KBTBD7: variants seen among roughly 807,000 people sequenced by gnomAD.
KBTBD7 encodes kelch repeat and BTB domain-containing protein 7.
Under a neutral mutation model 50.3 loss-of-function variants are expected in KBTBD7, and 25 were observed. The ratio of observed to expected loss-of-function variants is 0.50; its 90% CI spans 0.36 to 0.69. The LOEUF is 0.69. KBTBD7 is among the 30% of genes least tolerant of loss of function. The pLI is 0.00. For missense variants in KBTBD7, 653 were observed against 869.5 expected, an observed-to-expected ratio of 0.75 and a Z score of 3.13; for synonymous variants, 305 against 325.3, an observed-to-expected ratio of 0.94 and a Z score of 0.67.
Position 41,193,465 on chromosome 13 carries a change from C to T in KBTBD7, c.793G>A (p.Val265Met), listed in dbSNP as rs552332866. The T allele has an allele frequency of 1.9e-6, 3 of 1,614,026 alleles. No homozygotes were observed. The highest frequency in any genetic ancestry group is 2.2e-5 in the East Asian group (1 of 44,898). The change falls in exon 1 of 1, where the codon GTG (valine) becomes ATG (methionine). Residue 265 changes from valine (V) to methionine (M), a missense_variant. Physicochemically the swap from Val to Met is conservative, Grantham distance 21. Transcript: ENST00000379483. The surrounding 1 kb of genome is among the most constrained non-coding windows in gnomAD (Gnocchi z 5.7). The stretch of plus-strand genomic sequence containing the variant: ...TCTTCAGTGAAGTGCATCCAGCGCA[C>T]GCACTTGAAGACTTCTGCAGCACTG... ...GPSAAEVFKC[V>M]RWMHFTEEDQ...
Position 41,194,567 on chromosome 13 carries a change from A to C in KBTBD7, c.-310T>G. On this transcript the variant is annotated 5_prime_UTR_variant, in exon 1 of 1. Transcript: ENST00000379483. Reference sequence around the variant, plus strand: ...ATCCCGCTAGGCGCCCGGGAGAACTACTGCTCCCAGGTTGCCTTTCGCGCC... The same window carrying C: ...ATCCCGCTAGGCGCCCGGGAGAACTCCTGCTCCCAGGTTGCCTTTCGCGCC... 2 of 441,222 alleles carry C rather than the reference A, an allele frequency of 4.5e-6. No individual in the cohort carries two copies. Among genetic ancestry groups the C allele is most frequent in the East Asian group, 4.1e-5 (1 of 24,588 alleles). The allele number at this position is 441,222 out of a possible 1,614,324, so 27.3% of individuals were successfully genotyped here.
At position 41,193,780 on chromosome 13, in the gene KBTBD7, A is replaced by G. The variant is rs1363247510; in HGVS notation, c.478T>C (p.Cys160Arg). The G allele has an allele frequency of 1.2e-6, 2 of 1,614,260 alleles. No individual in the cohort carries two copies. The highest frequency in any genetic ancestry group is 1.7e-6 in the Non-Finnish European group (2 of 1,180,048). The change falls in exon 1 of 1, where the codon TGT (cysteine) becomes CGT (arginine). Residue 160 changes from cysteine (C) to arginine (R), a missense_variant. Physicochemically the swap from Cys to Arg is radical, Grantham distance 180. Transcript: ENST00000379483. The surrounding 1 kb of genome is among the most constrained non-coding windows in gnomAD (Gnocchi z 5.7). Reference protein sequence around the residue: ...MLQLEYVREACASFLARRLDL... With the variant: ...MLQLEYVREARASFLARRLDL... The stretch of plus-strand genomic sequence containing the variant: ...AGACGTCGGGCTAAGAAGGAGGCAC[A>G]GGCTTCCCGCACATATTCCAGCTGT...
rs1483345758 is a variant in KBTBD7 at position 41,194,003 on chromosome 13, A to G, written c.255T>C (p.Asn85=). Residue 85 remains asparagine (N), a synonymous_variant, in exon 1 of 1, where the codon AAT becomes AAC. Coordinates refer to ENST00000379483, the MANE Select transcript of KBTBD7 (RefSeq NM_032138.7). ...GPGTGRLFSC[N]RNVLAAACPY... ...GACACGCAGCTGCTAGCACGTTGCG[A>G]TTGCAGGAAAAGAGGCGACCCGTGC... The G allele has an allele frequency of 3.1e-6, 5 of 1,614,134 alleles. No individual in the cohort carries two copies. The South Asian group carries it at 4.4e-5, about 14-fold the overall frequency.
Position 41,194,472 on chromosome 13 carries a change from C to A in KBTBD7, c.-215G>T. The A allele has an allele frequency of 1.6e-6, 1 of 636,132 alleles. No homozygotes were observed. The highest frequency in any genetic ancestry group is 2.7e-6 in the Non-Finnish European group (1 of 371,444). The allele number at this position is 636,132 out of a possible 1,614,324, so 39.4% of individuals were successfully genotyped here. On this transcript the variant is annotated 5_prime_UTR_variant, in exon 1 of 1. Transcript: ENST00000379483. ...ACCCTCTCTCACTCCCGCGCCCTTT[C>A]TCCGCCTCCGCTCGCCCTCACAGGA...
chr13:41,192,574 C>G lies in KBTBD7; in HGVS notation c.1684G>C (p.Val562Leu). ...LDSETHNYQI[V>L]NHDQKLLLIT... is the part of the protein sequence containing the mutation. Reference sequence around the variant, plus strand: ...AGAAGCAACTTTTGGTCATGATTGACAATCTGGTAGTTGTGGGTCTCTGAA... The same window carrying G: ...AGAAGCAACTTTTGGTCATGATTGAGAATCTGGTAGTTGTGGGTCTCTGAA... The change falls in exon 1 of 1, where the codon GTC (valine) becomes CTC (leucine). Residue 562 changes from valine to leucine, a missense_variant. Val to Leu is a conservative substitution (Grantham distance 32). Coordinates refer to ENST00000379483, the MANE Select transcript of KBTBD7 (RefSeq NM_032138.7). The G allele has an allele frequency of 6.2e-7, 1 of 1,614,136 alleles. No individual in the cohort carries two copies. Among genetic ancestry groups the G allele is most frequent in the Non-Finnish European group, 8.5e-7 (1 of 1,180,008 alleles).
rs955166621 is a variant in KBTBD7, at chr13:41,191,021, A to G, written c.*1182T>C. 3 of 152,120 alleles carry G rather than the reference A, an allele frequency of 2.0e-5. No homozygotes were observed. The highest frequency in any genetic ancestry group is 7.2e-5 in the African/African-American group (3 of 41,436). The allele number at this position is 152,120 out of a possible 1,614,324, so 9.4% of individuals were successfully genotyped here. A position where few individuals can be genotyped will look rare whatever the true frequency, so the allele number is the denominator to read the frequency against. ...GGACAATATTCCAATGCTACACAAA[A>G]CGGTTCTATAATACACAGCTTAAAG... is the stretch of plus-strand genomic sequence containing the variant. On this transcript the variant is annotated 3_prime_UTR_variant, in exon 1 of 1. Transcript: ENST00000379483.
In KBTBD7 at chr13:41,192,235, G is replaced by A. The variant is rs1333119959; in HGVS notation, c.2023C>T (p.Arg675Ter). Residue 675 changes from arginine (R) to a stop codon, truncating the protein, a stop_gained, in exon 1 of 1, where the codon CGA (arginine) becomes TGA (stop). Transcript: ENST00000379483. LOFTEE classifies it high-confidence loss of function. ...GAACCCTGCTGATCCTGTGCATTTCGCTGAGGTGCTACTTGCACCCAGACT... is the reference window on the plus strand; with the variant it reads ...GAACCCTGCTGATCCTGTGCATTTCACTGAGGTGCTACTTGCACCCAGACT... Reference protein sequence around the residue: ...DEVWVQVAPQRNAQDQQGSL With the variant: ...DEVWVQVAPQ 3.7e-6 allele frequency: 6 copies of A among 1,613,778 alleles called. No individual in the cohort carries two copies. The highest frequency in any genetic ancestry group is 4.5e-5 in the East Asian group (2 of 44,876).
rs1256273058 is a variant in KBTBD7, at chr13:41,193,991, T to C, written c.267A>G (p.Leu89=). The C allele has an allele frequency of 1.9e-6, 3 of 1,614,144 alleles. No homozygotes were observed. The highest frequency in any genetic ancestry group is 2.2e-5 in the East Asian group (1 of 44,880). The change falls in exon 1 of 1, where the codon CTA becomes CTG. Residue 89 remains leucine (L), a synonymous_variant. Coordinates refer to ENST00000379483, the MANE Select transcript of KBTBD7 (RefSeq NM_032138.7). This position sits in a 1 kb window ranked among gnomAD's most constrained non-coding sequence, Gnocchi z 5.7. ...GRLFSCNRNV[L]AAACPYFKSM... is the part of the protein sequence containing the mutation. ...TCTTGAAGTAGGGACACGCAGCTGC[T>C]AGCACGTTGCGATTGCAGGAAAAGA...
chr13:41,192,134 AAAAG>A lies in KBTBD7; in HGVS notation c.*65_*68del. 2 of 1,484,082 alleles carry A rather than the reference AAAAG, an allele frequency of 1.3e-6. No individual in the cohort carries two copies. The highest frequency in any genetic ancestry group is 1.4e-5 in the African/African-American group (1 of 71,106). The allele number at this position is 1,484,082 out of a possible 1,614,324, so 91.9% of individuals were successfully genotyped here. On this transcript the variant is annotated 3_prime_UTR_variant, in exon 1 of 1. Transcript: ENST00000379483. ...GTCCTAATCAACTTTTTTTCCAAGA[AAAAG>A]AAACGATATGTGTTTAAAATACATT...
At position 41,193,949 on chromosome 13, in the gene KBTBD7, G is replaced by T. The variant is rs2031463550; in HGVS notation, c.309C>A (p.Gly103=). ...CGCTGGCCTGCTGGCTCTCGTACATGCCACCTGTGAACATGCTCTTGAAGT... is the reference window on the plus strand; with the variant it reads ...CGCTGGCCTGCTGGCTCTCGTACATTCCACCTGTGAACATGCTCTTGAAGT... The part of the protein sequence containing the change: ...CPYFKSMFTG[G]MYESQQASVT... The change falls in exon 1 of 1, where the codon GGC becomes GGA. Residue 103 remains glycine (G), a synonymous_variant. Transcript: ENST00000379483. The surrounding 1 kb of genome is among the most constrained non-coding windows in gnomAD (Gnocchi z 5.7). The T allele has an allele frequency of 1.9e-6, 3 of 1,613,928 alleles. No homozygotes were observed. Among genetic ancestry groups the T allele is most frequent in the Non-Finnish European group, 2.5e-6 (3 of 1,179,910 alleles).
rs1225599707 is a variant in KBTBD7, at chr13:41,194,430, T to C, written c.-173A>G. On this transcript the variant is annotated 5_prime_UTR_variant, in exon 1 of 1. It removes an upstream start codon present in the reference 5' UTR. Transcript: ENST00000379483. ...CGCGGTGAGGCCTCCCTTTATTGCA[T>C]AGACAGTGGCTGACTCACCCTCTCT... The C allele has an allele frequency of 4.9e-6, 4 of 811,692 alleles. No individual in the cohort carries two copies. The highest frequency in any genetic ancestry group is 1.9e-5 in the South Asian group (1 of 53,974). The allele number at this position is 811,692 out of a possible 1,614,324, so 50.3% of individuals were successfully genotyped here.
At position 41,194,376 on chromosome 13, in the gene KBTBD7, G is replaced by A; in HGVS notation, c.-119C>T. 3 of 1,352,740 alleles carry A rather than the reference G, an allele frequency of 2.2e-6. No homozygotes were observed. Among genetic ancestry groups the A allele is most frequent in the South Asian group, 2.9e-5 (2 of 69,398 alleles). The allele number at this position is 1,352,740 out of a possible 1,614,324, so 83.8% of individuals were successfully genotyped here. A position where few individuals can be genotyped will look rare whatever the true frequency, so the allele number is the denominator to read the frequency against. ...CGCGTCCTGGAACAGACTGCGGCAC[G>A]GGCCGCACTTCTGAATTCAGCCCTA... On this transcript the variant is annotated 5_prime_UTR_variant, in exon 1 of 1. Coordinates refer to ENST00000379483, the MANE Select transcript of KBTBD7 (RefSeq NM_032138.7).
Position 41,192,005 on chromosome 13 carries a change from A to C in KBTBD7, c.*198T>G. 2.0e-6 allele frequency: 1 copy of C among 508,010 alleles called. No individual in the cohort carries two copies. The allele number at this position is 508,010 out of a possible 1,614,324, so 31.5% of individuals were successfully genotyped here. ...TATATAGTTCTTGCTTCCATATTTT[A>C]ATTCTGGACTTTCAGGATGGTAAAT... On this transcript the variant is annotated 3_prime_UTR_variant, in exon 1 of 1. Coordinates refer to ENST00000379483, the MANE Select transcript of KBTBD7 (RefSeq NM_032138.7).
rs117701930 is a variant in KBTBD7 at position 41,191,916 on chromosome 13, A to G, written c.*287T>C. The G allele has an allele frequency of 2.0e-3, 575 of 290,524 alleles. 20 individuals carry two copies. The East Asian group carries it at 0.034, about 17-fold the overall frequency. The allele number at this position is 290,524 out of a possible 1,614,324, so 18.0% of individuals were successfully genotyped here. ...AAAAAAAAAGCATACTAACTAATCA[A>G]AACAATCCACTGTGCAATGAATATT... On this transcript the variant is annotated 3_prime_UTR_variant, in exon 1 of 1. Coordinates refer to ENST00000379483, the MANE Select transcript of KBTBD7 (RefSeq NM_032138.7).
chr13:41,194,443 A>G lies in KBTBD7; in HGVS notation c.-186T>C. 2 of 744,884 alleles carry G rather than the reference A, an allele frequency of 2.7e-6. No homozygotes were observed. The highest frequency in any genetic ancestry group is 4.0e-5 in the South Asian group (2 of 49,500). The allele number at this position is 744,884 out of a possible 1,614,324, so 46.1% of individuals were successfully genotyped here. ...CCCTTTATTGCATAGACAGTGGCTG[A>G]CTCACCCTCTCTCACTCCCGCGCCC... is the stretch of plus-strand genomic sequence containing the variant. On this transcript the variant is annotated 5_prime_UTR_variant, in exon 1 of 1. Transcript: ENST00000379483.
chr13:41,192,268 C>T lies in KBTBD7; in HGVS notation c.1990G>A (p.Asp664Asn), dbSNP rs879778001. The T allele has an allele frequency of 4.3e-6, 7 of 1,614,170 alleles. No homozygotes were observed. In the East Asian group the frequency reaches 1.3e-4, roughly 31 times the overall value. ...GCTACTTGCACCCAGACTTCATCAT[C>T]TGAAAAAGAACTTGAACTTCCTGAC... is the stretch of plus-strand genomic sequence containing the variant. The part of the protein sequence containing the change: ...SESGSSSSFS[D>N]DEVWVQVAPQ... The change falls in exon 1 of 1, where the codon GAT becomes AAT. Residue 664 changes from aspartate to asparagine, a missense_variant. Physicochemically the swap from Asp to Asn is conservative, Grantham distance 23. Coordinates refer to ENST00000379483, the MANE Select transcript of KBTBD7 (RefSeq NM_032138.7).
At position 41,193,863 on chromosome 13, in the gene KBTBD7, C is replaced by G; in HGVS notation, c.395G>C (p.Gly132Ala). ...FEVLVDYCYT[G>A]RVSLSEANVQ... ...ATTGGCCTCACTGAGAGACACACGACCCGTGTAGCAGTAGTCGACCAACAC... is the reference window on the plus strand; with the variant it reads ...ATTGGCCTCACTGAGAGACACACGAGCCGTGTAGCAGTAGTCGACCAACAC... Residue 132 changes from glycine (G) to alanine (A), a missense_variant, in exon 1 of 1, where the codon GGT (glycine) becomes GCT (alanine). Around this residue, in one of 3 missense-constraint regions of KBTBD7, gnomAD observed 526 missense variants for 717.1 expected, o/e 0.73. Transcript: ENST00000379483. The surrounding 1 kb of genome is among the most constrained non-coding windows in gnomAD (Gnocchi z 5.7). 6.2e-7 allele frequency: 1 copy of G among 1,614,180 alleles called. No homozygotes were observed. Among genetic ancestry groups the G allele is most frequent in the Non-Finnish European group, 8.5e-7 (1 of 1,180,036 alleles).
In KBTBD7 at chr13:41,194,203, C is replaced by A. The variant is rs765511218; in HGVS notation, c.55G>T (p.Gly19Trp). 1.5e-5 allele frequency: 25 copies of A among 1,614,080 alleles called. No individual in the cohort carries two copies. In the African/African-American group the frequency reaches 3.1e-4, roughly 20 times the overall value. The change falls in exon 1 of 1, where the codon GGG becomes TGG. Residue 19 changes from glycine (G) to tryptophan (W), a missense_variant. Physicochemically the swap from Gly to Trp is radical, Grantham distance 184 (BLOSUM62 -2). Around this residue, in one of 3 missense-constraint regions of KBTBD7, gnomAD observed 119 missense variants for 125.0 expected, o/e 0.95. Transcript: ENST00000379483. The part of the protein sequence containing the change: ...RSRRLASPRG[G>W]RRPKRISKPS... ...TTGGAAATCCTCTTGGGCCGCCTCC[C>A]ACCACGGGGACTGGCGAGGCGGCGA...
rs767626198 is a variant in KBTBD7 at position 41,192,564 on chromosome 13, T to G, written c.1694A>C (p.Asp565Ala). 1.9e-6 allele frequency: 3 copies of G among 1,614,210 alleles called. No homozygotes were observed. The highest frequency in any genetic ancestry group is 1.7e-6 in the Non-Finnish European group (2 of 1,180,036). The change falls in exon 1 of 1, where the codon GAC (aspartate) becomes GCC (alanine). Residue 565 changes from aspartate (D) to alanine (A), a missense_variant. Around this residue, in one of 3 missense-constraint regions of KBTBD7, gnomAD observed 526 missense variants for 717.1 expected, o/e 0.73. Transcript: ENST00000379483. ...ETHNYQIVNH[D>A]QKLLLITSTT... is the part of the protein sequence containing the mutation. Reference sequence around the variant, plus strand: ...AGAAGTGATGAGAAGCAACTTTTGGTCATGATTGACAATCTGGTAGTTGTG... The same window carrying G: ...AGAAGTGATGAGAAGCAACTTTTGGGCATGATTGACAATCTGGTAGTTGTG...
Sources: gnomAD v4.1 joint callset for allele counts on GRCh38, gnomAD v4.1.1 for gene constraint, gnomAD v4.1.1 regional missense constraint, Gnocchi (gnomAD v3.1) non-coding constraint, MANE v1.5 for transcripts, NCBI Gene and HGNC (gene_info 2026-07-23, HGNC 2026-07-21) for gene names.